Variants in IMMP2L observed in about 807,000 individuals in gnomAD.
The protein encoded by IMMP2L is mitochondrial inner membrane protease subunit 2.
IMMP2L carries 18 observed loss-of-function variants against 19.3 expected under a neutral mutation model. The ratio of observed to expected loss-of-function variants is 0.93; its 90% confidence interval spans 0.64 to 1.38. IMMP2L has a LOEUF of 1.38. Among genes scored for constraint, IMMP2L ranks in the 40% most tolerant of loss-of-function variants. The pLI is 0.00. For missense variants in IMMP2L, 233 were observed against 218.2 expected, an observed-to-expected ratio of 1.07 and a Z score of -0.43; for synonymous variants, 76 against 73.0, an observed-to-expected ratio of 1.04 and a Z score of -0.21.
At chr7:110,814,406 T>C (rs574329327) in intron 5 of IMMP2L, among the ~76,000 whole-genome samples, 68 of 150,414 alleles carry the variant, frequency 4.5e-4, no homozygotes, top group African/African-American at 1.6e-3. Flanking sequence ...AAAATGTATA[T>C]GACCTTGAGG....
intron 5 of IMMP2L, among the ~76,000 whole-genome samples, chr7:110,734,455 G>C (rs1796482891): frequency 6.6e-6 from 1 of 152,170 alleles, no homozygotes; most frequent in Admixed American, 6.5e-5. Flanking sequence ...TCAAAGTTTT[G>C]AGAATGTGGC....
chr7:110,930,953 A>C (rs982420439), intron 4 of IMMP2L, among the ~76,000 whole-genome samples: 10 of 152,216 alleles, frequency 6.6e-5, no homozygotes, highest in African/African-American at 2.2e-4. Flanking sequence ...TTGAATCACT[A>C]ATAAATTATG....
chr7:110,925,885 T>C (rs1814794799), intron 4 of IMMP2L, among the ~76,000 whole-genome samples: 1 of 152,050 alleles, frequency 6.6e-6, no homozygotes, highest in Non-Finnish European at 1.5e-5. Context: ...ACCCTCTTAG[T>C]AAAACATGGT....
At chr7:110,755,473 CA>C (rs1367538959) in intron 5 of IMMP2L, among the ~76,000 whole-genome samples, 1 of 152,106 alleles carries the variant, frequency 6.6e-6, no homozygotes, top group Non-Finnish European at 1.5e-5. Context: ...TAAGTTTTTA[CA>C]CAGATATGCA....
intron 4 of IMMP2L, among the ~76,000 whole-genome samples, chr7:110,902,466 T>A (rs1489925427): frequency 1.5e-5 from 2 of 130,756 alleles, no homozygotes; most frequent in African/African-American, 6.4e-5. Context: ...TATAAATATG[T>A]CATGAATGAT....
intron 5 of IMMP2L, among the ~76,000 whole-genome samples, chr7:110,670,410 C>G (rs1367064259): frequency 6.6e-6 from 1 of 152,146 alleles, no homozygotes; most frequent in Non-Finnish European, 1.5e-5. Context: ...CGCTACGCAG[C>G]CGGGTGTGGT....
At chr7:111,437,701 A>T (rs1837320234) in intron 3 of IMMP2L, among the ~76,000 whole-genome samples, 1 of 151,856 alleles carries the variant, frequency 6.6e-6, no homozygotes, top group South Asian at 2.1e-4. Context: ...ATCTATTTTT[A>T]TCTGATATAT....
intron 2 of IMMP2L, among the ~76,000 whole-genome samples, chr7:111,499,753 A>AT (rs1843974640): frequency 6.6e-6 from 1 of 152,040 alleles, no homozygotes; most frequent in Admixed American, 6.5e-5. Context: ...ATGGTTCCCT[A>AT]ATTTATTGGT....
rs115457981 is a variant in IMMP2L at position 110,893,300 on chromosome 7, T to A, written c.306-6605A>T. ...CTGGATGCAAGGTTGCCACAAACCT[T>A]ACATTTATAAAAAATTTAATATCTA... On this transcript the variant is annotated intron_variant, in intron 4 of 5. Transcript: ENST00000405709. Among the ~76,000 whole-genome samples, 684 of 152,270 alleles carry A rather than the reference T, an allele frequency of 4.5e-3. 8 individuals carry two copies. The highest frequency in any genetic ancestry group is 0.016 in the African/African-American group (658 of 41,566).
At chr7:110,759,980 T>C (rs139053412) in intron 5 of IMMP2L, among the ~76,000 whole-genome samples, 62 of 152,236 alleles carry the variant, frequency 4.1e-4, no homozygotes, top group African/African-American at 1.4e-3. Flanking sequence ...TAACAGACAA[T>C]CTGCTCCAGC....
intron 4 of IMMP2L, among the ~76,000 whole-genome samples, chr7:110,956,761 A>G (rs774307144): frequency 2.0e-5 from 3 of 151,956 alleles, no homozygotes; most frequent in East Asian, 1.9e-4. Flanking sequence ...TATTTCACCA[A>G]GACAGAGGAA....
chr7:111,459,059 T>G (rs759537270), intron 3 of IMMP2L, among the ~76,000 whole-genome samples: 2 of 152,144 alleles, frequency 1.3e-5, no homozygotes, highest in Non-Finnish European at 2.9e-5. Flanking sequence ...AAAATGTTAT[T>G]GAAAATAGCC....
intron 3 of IMMP2L, among the ~76,000 whole-genome samples, chr7:111,183,931 T>A (rs2129611573): frequency 6.6e-6 from 1 of 152,174 alleles, no homozygotes; most frequent in Middle Eastern, 3.4e-3. Context: ...TGTAAGAACT[T>A]GGGAAGTTAT....
rs374101714 is a variant in IMMP2L at position 111,100,918 on chromosome 7, C to T, written c.240-137353G>A. Reference sequence around the variant, plus strand: ...TCTTTCAGCCCTGAATGTTGCTCACCAGTTTTGAAAATATTTGAAAACTTT... The same window carrying T: ...TCTTTCAGCCCTGAATGTTGCTCACTAGTTTTGAAAATATTTGAAAACTTT... On this transcript the variant is annotated intron_variant, in intron 3 of 5. Coordinates refer to ENST00000405709, the MANE Select transcript of IMMP2L (RefSeq NM_032549.4). Among the ~76,000 whole-genome samples, 19 of 151,350 alleles carry T rather than the reference C, an allele frequency of 1.3e-4. 1 individual carries two copies. The highest frequency in any genetic ancestry group is 8.6e-4 in the Admixed American group (13 of 15,100).
intron 3 of IMMP2L, among the ~76,000 whole-genome samples, chr7:111,064,376 G>T (rs973977314): frequency 6.6e-6 from 1 of 152,170 alleles, no homozygotes; most frequent in Non-Finnish European, 1.5e-5. Flanking sequence ...TTGATAGAAT[G>T]GTGGAATGGC....
intron 3 of IMMP2L, among the ~76,000 whole-genome samples, chr7:111,109,023 A>G (rs1798872135): frequency 2.0e-5 from 3 of 152,330 alleles, no homozygotes; most frequent in Non-Finnish European, 4.4e-5. Context: ...AGCAATAAAC[A>G]AAAAGCAAAT....
At chr7:111,114,363 C>T (rs1163661403) in intron 3 of IMMP2L, among the ~76,000 whole-genome samples, 1 of 152,076 alleles carries the variant, frequency 6.6e-6, no homozygotes, top group African/African-American at 2.4e-5. Flanking sequence ...CGTGAATAAG[C>T]ATGAAAAACT....
intron 3 of IMMP2L, among the ~76,000 whole-genome samples, chr7:111,103,525 T>C (rs1798209306): frequency 6.6e-6 from 1 of 151,672 alleles, no homozygotes; most frequent in African/African-American, 2.4e-5. Context: ...AAATATCGAT[T>C]AGGCAAGTAA....
chr7:111,013,049 C>T (rs1370306265), intron 3 of IMMP2L, among the ~76,000 whole-genome samples: 1 of 151,878 alleles, frequency 6.6e-6, no homozygotes, highest in Non-Finnish European at 1.5e-5. Context: ...GGTATGATTC[C>T]TAAATTCATG....
Sources: gnomAD v4.1 joint callset for allele counts (sites outside exome capture counted in the v4.1 genomes callset) on GRCh38, gnomAD v4.1.1 for gene constraint, MANE v1.5 for transcripts, NCBI Gene and HGNC (gene_info 2026-07-23, HGNC 2026-07-21) for gene names.